The following ACP3 variants were observed in gnomAD, a reference collection of about 807,000 sequenced individuals.
ACP3 encodes the protein prostatic acid phosphatase.
A neutral mutation model predicts 45.6 loss-of-function variants in ACP3; 38 were observed. The observed-to-expected ratio is 0.83, with a 90% CI of 0.64 to 1.09. The LOEUF is 1.09. Among genes scored for constraint, ACP3 ranks in the 50% least tolerant of loss-of-function variants. The pLI is 0.00. For synonymous variants in ACP3, 162 were observed against 164.7 expected (o/e 0.98, Z 0.13); for missense variants, 466 against 463.2 (o/e 1.01, Z -0.05).
At chr3:132,320,952 AAT>A (rs1253998944) in intron 1 of ACP3, among the ~76,000 whole-genome samples, 1 of 152,118 alleles carries the variant, frequency 6.6e-6, no homozygotes. Flanking sequence ...CGCCTGGCAT[AAT>A]ATGATATTCT....
At chr3:132,359,938 G>T (rs903550690), downstream of ACP3, among the ~76,000 whole-genome samples, 5 of 152,140 alleles carry the variant, frequency 3.3e-5, no homozygotes, top group African/African-American at 1.2e-4. Flanking sequence ...CACTGGTTTG[G>T]GCTCATAGAA....
At chr3:132,317,959 CA>C (rs969423110) in intron 1 of ACP3, among the ~76,000 whole-genome samples, 5 of 152,068 alleles carry the variant, frequency 3.3e-5, no homozygotes, top group African/African-American at 1.2e-4. Flanking sequence ...GTTTGCAAGC[CA>C]AAAAACAGTC....
Position 132,358,079 on chromosome 3 carries a change from A to ATAAAT in ACP3, c.*1201_*1202insTAAAT. On this transcript the variant is annotated 3_prime_UTR_variant, in exon 10 of 10. Coordinates refer to ENST00000336375, the MANE Select transcript of ACP3 (RefSeq NM_001099.5). ...AATAAATAAATAAATAAATAAATAA[A>ATAAAT]AACAAAGTTGATTAAGAAAGGAAGT... The ATAAAT allele has an allele frequency of 6.3e-6, 1 of 159,320 alleles. No individual in the cohort carries two copies. Among genetic ancestry groups the ATAAAT allele is most frequent in the South Asian group, 2.0e-4 (1 of 4,910 alleles). The allele number at this position is 159,320 out of a possible 1,614,324, so 9.9% of individuals were successfully genotyped here.
chr3:132,326,468 T>C (rs1221098093), intron 1 of ACP3, among the ~76,000 whole-genome samples: 4 of 152,218 alleles, frequency 2.6e-5, no homozygotes, highest in African/African-American at 4.8e-5. Flanking sequence ...CAAAAAAATA[T>C]GCAGCTGTCC....
chr3:132,334,310 C>CA (rs1937454063), intron 4 of ACP3, among the ~76,000 whole-genome samples: 2 of 152,066 alleles, frequency 1.3e-5, no homozygotes, highest in South Asian at 4.1e-4. Flanking sequence ...TCACTAAGGT[C>CA]AAAAAAATTC....
At chr3:132,320,135 G>A (rs911836538) in intron 1 of ACP3, among the ~76,000 whole-genome samples, 21 of 152,172 alleles carry the variant, frequency 1.4e-4, no homozygotes, top group African/African-American at 4.1e-4. Context: ...GTAATCCTAA[G>A]TCTTTAACAT....
At chr3:132,350,756 A>C (rs1165726932) in intron 8 of ACP3, among the ~76,000 whole-genome samples, 1 of 152,210 alleles carries the variant, frequency 6.6e-6, no homozygotes, top group Non-Finnish European at 1.5e-5. Context: ...TGTAGAAAGA[A>C]GCAAGGAAGC....
At chr3:132,320,605 G>A (rs762217862) in intron 1 of ACP3, among the ~76,000 whole-genome samples, 38 of 151,172 alleles carry the variant, frequency 2.5e-4, no homozygotes, top group Non-Finnish European at 5.0e-4. Flanking sequence ...CTTCATGGTT[G>A]ACTTTCTTCA....
At chr3:132,336,854 A>G (rs922842611) in intron 4 of ACP3, among the ~76,000 whole-genome samples, 1 of 152,250 alleles carries the variant, frequency 6.6e-6, no homozygotes, top group Non-Finnish European at 1.5e-5. Flanking sequence ...TGTGGGTTAC[A>G]GTTAAAATTA....
Position 132,356,957 on chromosome 3 carries a change from T to G in ACP3, c.*79T>G. ...TGCTTTGAGAACATACTTTGGCCAT[T>G]ACCCCCAGCTTTGAGGAAAATGGGC... On this transcript the variant is annotated 3_prime_UTR_variant, in exon 10 of 10. Transcript: ENST00000336375. 9 of 1,488,576 alleles carry G rather than the reference T, an allele frequency of 6.0e-6. No individual in the cohort carries two copies. The highest frequency in any genetic ancestry group is 3.6e-6 in the Non-Finnish European group (4 of 1,117,762). The allele number at this position is 1,488,576 out of a possible 1,614,324, so 92.2% of individuals were successfully genotyped here.
chr3:132,344,145 G>A (rs1451290394), intron 6 of ACP3, among the ~76,000 whole-genome samples: 2 of 152,132 alleles, frequency 1.3e-5, no homozygotes, highest in Non-Finnish European at 2.9e-5. Context: ...GGGTGTGGTG[G>A]CGCATGCCTG....
In ACP3 at chr3:132,328,302, C is replaced by T. The variant is rs772008636; in HGVS notation, c.156C>T (p.Thr52=). 9 of 1,613,882 alleles carry T rather than the reference C, an allele frequency of 5.6e-6. No homozygotes were observed. The highest frequency in any genetic ancestry group is 7.6e-6 in the Non-Finnish European group (9 of 1,179,902). The part of the protein sequence containing the change: ...FRHGDRSPID[T]FPTDPIKESS... ...ATGGAGACCGAAGTCCCATTGACAC[C>T]TTTCCCACTGACCCCATAAAGGAAT... The change falls in exon 2 of 10, where the codon ACC becomes ACT. Residue 52 remains threonine (T), a synonymous_variant. Coordinates refer to ENST00000336375, the MANE Select transcript of ACP3 (RefSeq NM_001099.5).
intron 5 of ACP3, among the ~76,000 whole-genome samples, chr3:132,341,461 A>G (rs1229000487): frequency 1.3e-5 from 2 of 152,234 alleles, no homozygotes; most frequent in East Asian, 3.8e-4. Context: ...AACAATCTTT[A>G]TATTTCTCAA....
At chr3:132,317,702 G>A in intron 1 of ACP3, 126 bp downstream of exon 1, 1 of 1,090,774 alleles carries the variant, frequency 9.2e-7, no homozygotes, top group Non-Finnish European at 1.2e-6. Flanking sequence ...TTCAAACTCA[G>A]AAAGTGAATA....
rs564558133 is a variant in ACP3, at chr3:132,330,508, T to G, written c.217-1139T>G. On this transcript the variant is annotated intron_variant, in intron 2 of 9. Coordinates refer to ENST00000336375, the MANE Select transcript of ACP3 (RefSeq NM_001099.5). ...TGAGTCCTCCAGGTGATTCTGTGCA[T>G]GCTAAAGTGTGAAAATCACTGCTTC... Among the ~76,000 whole-genome samples, 29 of 152,312 alleles carry G rather than the reference T, an allele frequency of 1.9e-4. No homozygotes were observed. The South Asian group carries it at 4.8e-3, about 25-fold the overall frequency.
At chr3:132,331,060 C>T (rs142772546) in intron 2 of ACP3, among the ~76,000 whole-genome samples, 4 of 152,318 alleles carry the variant, frequency 2.6e-5, no homozygotes, top group African/African-American at 9.6e-5. Context: ...AGCACCACCC[C>T]CAAAGGTTCT....
intron 1 of ACP3, among the ~76,000 whole-genome samples, chr3:132,322,206 G>T (rs932851668): frequency 4.6e-5 from 7 of 152,160 alleles, no homozygotes; most frequent in Non-Finnish European, 8.8e-5. Flanking sequence ...ATAATACACA[G>T]TTTTTACAGC....
chr3:132,347,345 T>C (rs1937621078), intron 7 of ACP3, among the ~76,000 whole-genome samples: 1 of 152,246 alleles, frequency 6.6e-6, no homozygotes, highest in Non-Finnish European at 1.5e-5. Flanking sequence ...ATGAAACAGC[T>C]GCACACATTC....
chr3:132,364,009 T>C (rs745531875), intron 10 of ACP3, among the ~76,000 whole-genome samples: 23 of 152,084 alleles, frequency 1.5e-4, no homozygotes, highest in Non-Finnish European at 3.1e-4. Flanking sequence ...TAATAATTGC[T>C]GATGACTTCC....
Sources: gnomAD v4.1 joint callset for allele counts (sites outside exome capture counted in the v4.1 genomes callset) on GRCh38, gnomAD v4.1.1 for gene constraint, MANE v1.5 for transcripts, NCBI Gene and HGNC (gene_info 2026-07-23, HGNC 2026-07-21) for gene names.